The following VIRMA variants were observed in gnomAD, a reference collection of about 807,000 sequenced individuals.
VIRMA encodes the protein vir like m6A methyltransferase associated.
Under a neutral mutation model 182.4 loss-of-function variants are expected in VIRMA, and 65 were observed. That is an observed-to-expected ratio of 0.36 (90% CI 0.29 to 0.44). The LOEUF (loss-of-function observed/expected upper bound fraction) is 0.44. Among genes scored for constraint, VIRMA ranks in the 20% least tolerant of loss-of-function variants. VIRMA has a pLI of 1.00. For missense variants in VIRMA, 1,752 were observed against 2,158.1 expected, an observed-to-expected ratio of 0.81 and a Z score of 3.73; for synonymous variants, 709 against 743.1, an observed-to-expected ratio of 0.95 and a Z score of 0.75.
At chr8:94,550,384 C>T (rs1815938035) in intron 1 of VIRMA, among the ~76,000 whole-genome samples, 1 of 151,956 alleles carries the variant, frequency 6.6e-6, no homozygotes, top group Admixed American at 6.5e-5. Context: ...GCTCTGCCTC[C>T]CGGGTTCACG....
At position 94,534,932 on chromosome 8, in the gene VIRMA, C is replaced by G; in HGVS notation, c.391G>C (p.Val131Leu). The change falls in exon 5 of 24, where the codon GTG becomes CTG. Residue 131 changes from valine to leucine, a missense_variant. Coordinates refer to ENST00000297591, the MANE Select transcript of VIRMA (RefSeq NM_015496.5). Reference protein sequence around the residue: ...TLAIYGSVDRVISHDRDSPPP... With the variant: ...TLAIYGSVDRLISHDRDSPPP... ...GGAGAGTCTCTGTCATGACTTATCA[C>G]TCTATCCACTGATCCATATATTGCC... The G allele has an allele frequency of 1.2e-6, 2 of 1,613,960 alleles. No homozygotes were observed. The highest frequency in any genetic ancestry group is 1.7e-6 in the Non-Finnish European group (2 of 1,179,978).
intron 22 of VIRMA, 124 bp from the exon 23 acceptor site, chr8:94,490,206 T>C (rs1813564657): frequency 1.9e-6 from 2 of 1,067,748 alleles, no homozygotes; most frequent in South Asian, 3.3e-5. Flanking sequence ...AAACTGACTG[T>C]ACTATATAGT....
At chr8:94,510,312 T>G (rs1814318444) in intron 14 of VIRMA, 105 bp downstream of exon 14, 6 of 764,426 alleles carry the variant, frequency 7.8e-6, no homozygotes, top group Non-Finnish European at 1.3e-5. Context: ...TACATGTATA[T>G]ATGTTATCTG....
chr8:94,502,970 G>T (rs903930260), intron 16 of VIRMA, among the ~76,000 whole-genome samples: 1 of 151,956 alleles, frequency 6.6e-6, no homozygotes, highest in Non-Finnish European at 1.5e-5. Flanking sequence ...GGATAGTATT[G>T]AATTATATAC....
intron 16 of VIRMA, 53 bp from the exon 17 acceptor site, chr8:94,499,559 A>G: frequency 8.1e-7 from 1 of 1,228,096 alleles, no homozygotes; most frequent in South Asian, 1.4e-5. Flanking sequence ...TGAGCATATA[A>G]AACTGGTATG....
chr8:94,518,961 T>C lies in VIRMA; in HGVS notation c.2513+24A>G, dbSNP rs558686560. On this transcript the variant is annotated intron_variant, in intron 9 of 23. Transcript: ENST00000297591. ...TCTGATTTTCTAACATCATAGAAAA[T>C]TTAAGGAGTAAGTAGGAAATTACCC... 4 of 1,552,352 alleles carry C rather than the reference T, an allele frequency of 2.6e-6. No homozygotes were observed. In the East Asian group the frequency reaches 9.1e-5, roughly 35 times the overall value.
chr8:94,508,844 A>G (rs944952268), intron 15 of VIRMA, among the ~76,000 whole-genome samples: 1 of 152,184 alleles, frequency 6.6e-6, no homozygotes, highest in Non-Finnish European at 1.5e-5. Flanking sequence ...ACTTAGCAAG[A>G]GCATTCTGAC....
At chr8:94,489,575 G>A (rs1813547377) in intron 23 of VIRMA, among the ~76,000 whole-genome samples, 1 of 152,114 alleles carries the variant, frequency 6.6e-6, no homozygotes, top group South Asian at 2.1e-4. Flanking sequence ...CCTATGGAAT[G>A]TTATGACCTT....
At chr8:94,495,244 T>C (rs560146488) in intron 19 of VIRMA, among the ~76,000 whole-genome samples, 13 of 152,260 alleles carry the variant, frequency 8.5e-5, no homozygotes, top group African/African-American at 2.9e-4. Flanking sequence ...GCTCAAGCTA[T>C]CTTCCTGCCT....
chr8:94,517,092 G>A (rs1258028946), intron 10 of VIRMA, among the ~76,000 whole-genome samples: 2 of 152,064 alleles, frequency 1.3e-5, no homozygotes, highest in African/African-American at 2.4e-5. Flanking sequence ...TACTTTTGAG[G>A]ATAGCACAAA....
At chr8:94,543,356 G>C (rs921302187) in intron 2 of VIRMA, among the ~76,000 whole-genome samples, 1 of 137,672 alleles carries the variant, frequency 7.3e-6, no homozygotes, top group Non-Finnish European at 1.5e-5. Flanking sequence ...AGCCAAGATT[G>C]CGCCATTGCA....
At chr8:94,523,517 C>G (rs925028395) in intron 8 of VIRMA, among the ~76,000 whole-genome samples, 1 of 151,966 alleles carries the variant, frequency 6.6e-6, no homozygotes, top group Admixed American at 6.6e-5. Context: ...TCAAGCAATC[C>G]TCCCACCTCA....
At chr8:94,508,570 C>T (rs1017708479) in intron 15 of VIRMA, among the ~76,000 whole-genome samples, 34 of 151,930 alleles carry the variant, frequency 2.2e-4, no homozygotes, top group Admixed American at 5.2e-4. Flanking sequence ...GATGCCACAG[C>T]GCTATTCAAT....
At chr8:94,496,578 T>A (rs1211012934) in intron 17 of VIRMA, 98 bp from the exon 18 acceptor site, 1 of 937,642 alleles carries the variant, frequency 1.1e-6, no homozygotes, top group East Asian at 2.6e-5. Context: ...CTGCAATCTT[T>A]CCTTCAATGT....
chr8:94,526,116 T>C, intron 8 of VIRMA, 107 bp downstream of exon 8: 2 of 787,318 alleles, frequency 2.5e-6, no homozygotes, highest in Non-Finnish European at 4.1e-6. Context: ...CAAGTATCCT[T>C]ACACATAAAT....
At position 94,487,772 on chromosome 8, in the gene VIRMA, CT is replaced by C. The variant is rs1355921684; in HGVS notation, c.*933del. The C allele has an allele frequency of 1.1e-4, 16 of 152,184 alleles. No individual in the cohort carries two copies. Among genetic ancestry groups the C allele is most frequent in the African/African-American group, 3.9e-4 (16 of 41,458 alleles). The allele number at this position is 152,184 out of a possible 1,614,324, so 9.4% of individuals were successfully genotyped here. On this transcript the variant is annotated 3_prime_UTR_variant, in exon 24 of 24. Transcript: ENST00000297591. ...ACGTATCTTGGGGAAAATATGGCTA[CT>C]TTCTCAAAGTTGTAAGCTTTATTTC...
intron 8 of VIRMA, among the ~76,000 whole-genome samples, chr8:94,521,130 G>A (rs1472833294): frequency 6.6e-6 from 1 of 151,680 alleles, no homozygotes; most frequent in African/African-American, 2.4e-5. Context: ...ATGGTGGTTT[G>A]CTGCACCTAT....
In VIRMA at chr8:94,526,912, C is replaced by T. The variant is rs150793271; in HGVS notation, c.1332G>A (p.Ala444=). The change falls in exon 8 of 24, where the codon GCG becomes GCA. Residue 444 remains alanine, a synonymous_variant. Coordinates refer to ENST00000297591, the MANE Select transcript of VIRMA (RefSeq NM_015496.5). Reference sequence around the variant, plus strand: ...CATTTAAGGCGATAGGTTGGCGAAGCGCTACTTGTAAATTTAAAGCTTGCA... The same window carrying T: ...CATTTAAGGCGATAGGTTGGCGAAGTGCTACTTGTAAATTTAAAGCTTGCA... ...WTMQALNLQV[A]LRQPIALNVR... The T allele has an allele frequency of 6.2e-6, 10 of 1,614,180 alleles. No individual in the cohort carries two copies. The African/African-American group carries it at 9.3e-5, about 15-fold the overall frequency.
chr8:94,548,892 C>T (rs996557550), intron 1 of VIRMA, among the ~76,000 whole-genome samples: 1 of 152,074 alleles, frequency 6.6e-6, no homozygotes, highest in African/African-American at 2.4e-5. Flanking sequence ...CTCCTGACCT[C>T]GTGATCCCCC....
Sources: allele counts gnomAD v4.1 joint callset (sites outside exome capture counted in the v4.1 genomes callset), GRCh38; gene constraint gnomAD v4.1.1; transcripts MANE v1.5; gene names NCBI Gene and HGNC (gene_info 2026-07-23, HGNC 2026-07-21).